The following DOP1B variants were observed in gnomAD, a reference collection of about 807,000 sequenced individuals.
The protein encoded by DOP1B is protein DOP1B.
Under a neutral mutation model 233.5 loss-of-function variants are expected in DOP1B, and 174 were observed. That is an observed-to-expected ratio of 0.75 (90% CI 0.66 to 0.85). The LOEUF (loss-of-function observed/expected upper bound fraction) is 0.85, where lower values mean the gene tolerates loss of function less well. DOP1B is among the 40% of genes least tolerant of loss of function. The pLI is 0.00. For missense variants in DOP1B, 2,652 were observed against 2,846.6 expected (o/e 0.93, Z 1.56); for synonymous variants, 1,190 against 1,185.6 (o/e 1.00, Z -0.08).
intron 2 of DOP1B, among the ~76,000 whole-genome samples, chr21:36,179,089 G>A (rs937069075): frequency 3.3e-5 from 5 of 152,116 alleles, no homozygotes; most frequent in African/African-American, 4.8e-5. Flanking sequence ...TTCTGGTCTG[G>A]CTTCTTTCAC....
rs367565323 is a variant in DOP1B, at chr21:36,230,629, C to A, written c.1845C>A (p.Asp615Glu). Residue 615 changes from aspartate (D) to glutamate (E), a missense_variant, in exon 14 of 37, where the codon GAC becomes GAA. Asp to Glu is a conservative substitution (Grantham distance 45, BLOSUM62 2). This residue lies in a region of DOP1B where 2,617 missense variants were observed against 2,794.3 expected (regional missense o/e 0.94). Transcript: ENST00000691173. ...CTCGAGTTTCTCTGGAAAGGGACGA[C>A]GTTTGGAAGAAGGGCGGGAGCATGC... ...RVPRVSLERD[D>E]VWKKGGSMQR... 2 of 1,614,132 alleles carry A rather than the reference C, an allele frequency of 1.2e-6. No individual in the cohort carries two copies. Among genetic ancestry groups the A allele is most frequent in the East Asian group, 4.5e-5 (2 of 44,880 alleles).
intron 7 of DOP1B, among the ~76,000 whole-genome samples, chr21:36,213,823 A>G (rs2066528144): frequency 6.7e-6 from 1 of 148,624 alleles, no homozygotes; most frequent in Non-Finnish European, 1.5e-5. Flanking sequence ...TACAGGCGTG[A>G]GCCACCGCGC....
At chr21:36,248,950 C>T (rs2067001409) in intron 21 of DOP1B, among the ~76,000 whole-genome samples, 1 of 151,218 alleles carries the variant, frequency 6.6e-6, no homozygotes, top group African/African-American at 2.4e-5. Context: ...ACTAAAAATA[C>T]AAAAATTAGC....
chr21:36,238,800 G>A (rs188036195), intron 17 of DOP1B, 99 bp downstream of exon 17: 9 of 1,185,214 alleles, frequency 7.6e-6, no homozygotes, highest in Middle Eastern at 2.3e-4. Flanking sequence ...GGAGCGTGCA[G>A]TTGAAAACAT....
chr21:36,270,327 C>A (rs924810012), intron 27 of DOP1B, among the ~76,000 whole-genome samples, 170 bp downstream of exon 27: 4 of 150,308 alleles, frequency 2.7e-5, no homozygotes, highest in Admixed American at 2.0e-4. Flanking sequence ...CCGAGATGGG[C>A]AGATAAAGCA....
chr21:36,282,861 A>C (rs934875042), intron 32 of DOP1B, among the ~76,000 whole-genome samples: 3 of 151,736 alleles, frequency 2.0e-5, no homozygotes, highest in Non-Finnish European at 4.4e-5. Context: ...CTATAATCCC[A>C]GCTACTGGGG....
intron 21 of DOP1B, among the ~76,000 whole-genome samples, chr21:36,250,745 C>T (rs1372693342): frequency 6.6e-6 from 1 of 152,202 alleles, no homozygotes; most frequent in Non-Finnish European, 1.5e-5. Flanking sequence ...TAAGCCCTTC[C>T]GCAGCAGATG....
intron 2 of DOP1B, among the ~76,000 whole-genome samples, chr21:36,186,335 A>ATGTGTGTATGCATGTGTG (rs1403578704): frequency 1.3e-5 from 2 of 151,858 alleles, no homozygotes; most frequent in Admixed American, 6.6e-5. Context: ...CACGTGTGGG[A>ATGTGTGTATGCATGTGTG]TGTGTGTATG....
At chr21:36,165,718 C>CT (rs66857645) in intron 2 of DOP1B, among the ~76,000 whole-genome samples, 49,420 of 132,902 alleles carry the variant, frequency 0.37, 9,982 homozygotes, top group Admixed American at 0.46. Context: ...TTAGGAGAAT[C>CT]TTTTTTTTTT....
chr21:36,157,902 C>CT lies in DOP1B; in HGVS notation c.-27+965dup, dbSNP rs1034962702. Among the ~76,000 whole-genome samples the CT allele has an allele frequency of 4.2e-4, 64 of 152,172 alleles. 1 individual carries two copies. The highest frequency in any genetic ancestry group is 9.2e-4 in the Admixed American group (14 of 15,284). On this transcript the variant is annotated intron_variant, in intron 1 of 36. Transcript: ENST00000691173. ...TTCATATAGACATATTTACAGTGAA[C>CT]TTTTTTGGGATCTGGCAGTTGGTTT... is the stretch of plus-strand genomic sequence containing the variant.
chr21:36,171,059 A>G (rs1471159914), intron 2 of DOP1B, among the ~76,000 whole-genome samples: 3 of 152,178 alleles, frequency 2.0e-5, no homozygotes, highest in South Asian at 2.1e-4. Flanking sequence ...TTATTGTATA[A>G]TACTTAAAAT....
At chr21:36,181,265 AG>A (rs2066095299) in intron 2 of DOP1B, among the ~76,000 whole-genome samples, 1 of 151,282 alleles carries the variant, frequency 6.6e-6, no homozygotes, top group Non-Finnish European at 1.5e-5. Flanking sequence ...CAGAAACTCA[AG>A]CTAGGACTCT....
rs749234893 is a variant in DOP1B, at chr21:36,230,752, C to T, written c.1968C>T (p.Ser656=). The T allele has an allele frequency of 1.4e-5, 23 of 1,614,144 alleles. No homozygotes were observed. Among genetic ancestry groups the T allele is most frequent in the South Asian group, 6.6e-5 (6 of 91,074 alleles). ...QLTASGEESK[S]EEPAGKRDRD... The stretch of plus-strand genomic sequence containing the variant: ...CAGCGTCAGGAGAAGAAAGCAAGTC[C>T]GAGGAGCCTGCAGGGAAGAGGGACA... The change falls in exon 14 of 37, where the codon TCC becomes TCT. Residue 656 remains serine (S), a synonymous_variant. Transcript: ENST00000691173.
At chr21:36,277,884 C>T (rs2070516) in intron 28 of DOP1B, 91 bp from the exon 29 acceptor site, 376,524 of 985,994 alleles carry the variant, frequency 0.38, 72,606 homozygotes, top group Middle Eastern at 0.41. Flanking sequence ...TCAAGTGATC[C>T]GCCCTCCTCA....
intron 2 of DOP1B, among the ~76,000 whole-genome samples, chr21:36,165,718 C>CTT (rs66857645): frequency 0.051 from 6,715 of 132,904 alleles, 228 homozygotes; most frequent in Non-Finnish European, 0.066. Context: ...TTAGGAGAAT[C>CTT]TTTTTTTTTT....
At chr21:36,269,905 C>A in intron 26 of DOP1B, 108 bp from the exon 27 acceptor site, 2 of 1,165,752 alleles carry the variant, frequency 1.7e-6, no homozygotes, top group Non-Finnish European at 2.5e-6. Context: ...TACGTATATG[C>A]TCACAGCTGT....
At chr21:36,170,862 G>A (rs920833291) in intron 2 of DOP1B, among the ~76,000 whole-genome samples, 7 of 151,562 alleles carry the variant, frequency 4.6e-5, no homozygotes, top group African/African-American at 1.7e-4. Context: ...CCATCCCAAG[G>A]GTCTCCTCTT....
chr21:36,222,603 A>G (rs2066638752), intron 10 of DOP1B, among the ~76,000 whole-genome samples: 1 of 152,006 alleles, frequency 6.6e-6, no homozygotes, highest in South Asian at 2.1e-4. Context: ...AAAGAAGATA[A>G]ACATTTAAAA....
Position 36,246,562 on chromosome 21 carries a change from C to G in DOP1B, c.4582C>G (p.Pro1528Ala), listed in dbSNP as rs1020686755. ...AWVSLVTHSL[P>A]YFGKSLGWTV... is the part of the protein sequence containing the mutation. ...GGTGAGCTTGGTCACGCATTCCTTG[C>G]CCTACTTCGGAAAGTCCCTGGGCTG... Residue 1528 changes from proline (P) to alanine (A), a missense_variant, in exon 19 of 37, where the codon CCC becomes GCC. Pro to Ala is a conservative substitution (Grantham distance 27). Coordinates refer to ENST00000691173, the MANE Select transcript of DOP1B (RefSeq NM_001320714.2). This position sits in a 1 kb window ranked among gnomAD's most constrained non-coding sequence, Gnocchi z 5.1. 5 of 1,614,036 alleles carry G rather than the reference C, an allele frequency of 3.1e-6. No homozygotes were observed. Among genetic ancestry groups the G allele is most frequent in the Non-Finnish European group, 4.2e-6 (5 of 1,180,044 alleles).
Sources: allele counts gnomAD v4.1 joint callset (sites outside exome capture counted in the v4.1 genomes callset), GRCh38; gene constraint gnomAD v4.1.1; regional missense constraint gnomAD v4.1.1; non-coding constraint Gnocchi (gnomAD v3.1); transcripts MANE v1.5; gene names NCBI Gene and HGNC (gene_info 2026-07-23, HGNC 2026-07-21).